The following PRSS55 variants were observed in gnomAD, a reference collection of about 807,000 sequenced individuals.
The protein encoded by PRSS55 is probable serine protease UNQ9391/PRO34284.
PRSS55 carries 41 observed loss-of-function variants against 23.6 expected under a neutral mutation model. The ratio of observed to expected loss-of-function variants is 1.74; its 90% CI spans 1.35 to 2.26. The LOEUF (loss-of-function observed/expected upper bound fraction) is 2.26, where lower values mean the gene tolerates loss of function less well. PRSS55 is among the 30% of genes most tolerant of loss of function. The probability of loss-of-function intolerance (pLI) is 0.00; values close to 1 mark genes in which losing one functional copy is unlikely to be tolerated. For synonymous variants in PRSS55, 262 were observed against 175.5 expected, an observed-to-expected ratio of 1.49 and a Z score of -3.90; for missense variants, 669 against 439.1, an observed-to-expected ratio of 1.52 and a Z score of -4.68.
intron 3 of PRSS55, 109 bp downstream of exon 3, chr8:10,531,654 G>C (rs377362754): frequency 1.4e-6 from 2 of 1,459,220 alleles, no homozygotes; most frequent in African/African-American, 1.4e-5. Context: ...GCAGATTCCC[G>C]CTCAGTGGAG....
intron 1 of PRSS55, 21 bp from the exon 2 acceptor site, chr8:10,529,486 C>T (rs757880378): frequency 9.3e-6 from 15 of 1,612,654 alleles, no homozygotes; most frequent in East Asian, 2.2e-5. Context: ...TTTTCCTTTC[C>T]ACTCTCTTTC....
chr8:10,547,711 T>C (rs1385287457), intron 4 of PRSS55: 1 of 146,120 alleles, frequency 6.8e-6, no homozygotes, highest in Non-Finnish European at 1.5e-5. Context: ...CCTTCCTTCC[T>C]CCCTCTCCCC....
chr8:10,553,164 A>G (rs1257858555), intron 4 of PRSS55, among the ~76,000 whole-genome samples: 3 of 152,106 alleles, frequency 2.0e-5, no homozygotes, highest in Non-Finnish European at 4.4e-5. Flanking sequence ...ACGAGATCTG[A>G]TGGTTTCATA....
chr8:10,547,887 C>T (rs779714170), intron 4 of PRSS55, among the ~76,000 whole-genome samples: 24 of 152,098 alleles, frequency 1.6e-4, no homozygotes, highest in Non-Finnish European at 3.4e-4. Flanking sequence ...GAAGCCGACA[C>T]TCTAGGGGAA....
chr8:10,553,947 G>A (rs953634566), exon 5 of PRSS55: 1 of 1,515,752 alleles, frequency 6.6e-7, no homozygotes, highest in East Asian at 2.5e-5. Context: ...TTAAAGCAAA[G>A]CTATTTTCCC....
intron 4 of PRSS55, among the ~76,000 whole-genome samples, chr8:10,535,741 C>T (rs1452626993): frequency 6.6e-6 from 1 of 152,170 alleles, no homozygotes; most frequent in African/African-American, 2.4e-5. Flanking sequence ...AGAGCATCTG[C>T]ACAGCTAAGG....
At chr8:10,547,095 G>A (rs1348761322) in intron 4 of PRSS55, among the ~76,000 whole-genome samples, 1 of 151,966 alleles carries the variant, frequency 6.6e-6, no homozygotes, top group Admixed American at 6.5e-5. Context: ...GCTTCACGGA[G>A]CCATGACATC....
downstream of PRSS55, chr8:10,538,836 G>T (rs1027741992): frequency 2.7e-6 from 4 of 1,503,058 alleles, no homozygotes; most frequent in Non-Finnish European, 3.6e-6. Context: ...GAGGGTGCAT[G>T]CAAGTGCGTC....
downstream of PRSS55, among the ~76,000 whole-genome samples, chr8:10,543,471 T>TTC (rs1812725017): frequency 1.0e-4 from 3 of 29,120 alleles, no homozygotes; most frequent in African/African-American, 1.6e-4. Context: ...TTCCTTTCTT[T>TTC]CTTTCTCTCT....
downstream of PRSS55, among the ~76,000 whole-genome samples, chr8:10,539,851 G>A (rs897371642): frequency 1.3e-5 from 2 of 152,196 alleles, no homozygotes; most frequent in African/African-American, 4.8e-5. Context: ...TATCAGCTGT[G>A]TGGAAACGGA....
intron 1 of PRSS55, chr8:10,529,278 C>T (rs1310543254): frequency 3.4e-6 from 2 of 584,790 alleles, no homozygotes; most frequent in East Asian, 2.9e-5. Context: ...AGAGTCAGAG[C>T]CAATGCTTCT....
chr8:10,528,148 G>A (rs1259963592), intron 1 of PRSS55, among the ~76,000 whole-genome samples: 2 of 149,924 alleles, frequency 1.3e-5, no homozygotes, highest in Admixed American at 6.7e-5. Flanking sequence ...GCAGTGAGCC[G>A]AGATGGTGCC....
chr8:10,542,676 T>C (rs1187669172), downstream of PRSS55, among the ~76,000 whole-genome samples: 1 of 151,510 alleles, frequency 6.6e-6, no homozygotes, highest in Non-Finnish European at 1.5e-5. Flanking sequence ...AAGACCAGCC[T>C]GGCCAAGATG....
In PRSS55 at chr8:10,531,469, C is replaced by T; in HGVS notation, c.522C>T (p.Pro174=). Residue 174 remains proline (P), a synonymous_variant, in exon 3 of 5, where the codon CCC becomes CCT. Coordinates refer to ENST00000328655, the MANE Select transcript of PRSS55 (RefSeq NM_198464.4). ...SPIKLDDLKV[P]ICLPTQPGPA... is the part of the protein sequence containing the mutation. ...TCAAGCTCGATGACCTGAAGGTGCC[C>T]ATCTGCCTCCCCACGCAGCCCGGCC... 2 of 1,614,108 alleles carry T rather than the reference C, an allele frequency of 1.2e-6. No homozygotes were observed. The highest frequency in any genetic ancestry group is 1.7e-6 in the Non-Finnish European group (2 of 1,180,058).
chr8:10,547,530 C>G (rs1227966135), intron 4 of PRSS55: 1 of 153,140 alleles, frequency 6.5e-6, no homozygotes, highest in Non-Finnish European at 1.5e-5. Context: ...CTTCCTCTTT[C>G]TGACACCGCG....
At chr8:10,542,997 A>G (rs1336246514), downstream of PRSS55, among the ~76,000 whole-genome samples, 1 of 151,786 alleles carries the variant, frequency 6.6e-6, no homozygotes, top group African/African-American at 2.4e-5. Flanking sequence ...ATTTGGGGGA[A>G]CCCTCTTCCT....
intron 4 of PRSS55, among the ~76,000 whole-genome samples, chr8:10,549,784 C>A (rs189431757): frequency 7.1e-5 from 10 of 140,178 alleles, no homozygotes; most frequent in African/African-American, 2.5e-4. Context: ...CCAGCAGCTC[C>A]CCGCTCTGTC....
intron 2 of PRSS55, 144 bp downstream of exon 2, chr8:10,529,843 C>A (rs1256904404): frequency 2.5e-6 from 2 of 800,312 alleles, no homozygotes; most frequent in South Asian, 3.4e-5. Context: ...CATCCACCCA[C>A]CCCCCAGCCT....
At chr8:10,535,239 GAA>G (rs1045473027) in intron 4 of PRSS55, among the ~76,000 whole-genome samples, 4 of 152,098 alleles carry the variant, frequency 2.6e-5, no homozygotes, top group Non-Finnish European at 5.9e-5. Flanking sequence ...TATGAAACCA[GAA>G]AAGAGCCCAA....
Sources: gnomAD v4.1 joint callset for allele counts (sites outside exome capture counted in the v4.1 genomes callset) on GRCh38, gnomAD v4.1.1 for gene constraint, MANE v1.5 for transcripts, NCBI Gene and HGNC (gene_info 2026-07-23, HGNC 2026-07-21) for gene names.